The following CNBD1 variants were observed in gnomAD, a reference collection of about 807,000 sequenced individuals.
CNBD1 encodes the protein cyclic nucleotide binding domain containing 1.
In CNBD1, 71 loss-of-function variants were observed where a neutral mutation model predicts 54.4. That is an observed-to-expected ratio of 1.30 (90% CI 1.08 to 1.59). The LOEUF is 1.59. Ranked by LOEUF, CNBD1 falls within the 40% of genes most tolerant of loss-of-function variation. CNBD1 has a pLI of 0.00. For missense variants in CNBD1, 659 were observed against 518.0 expected (o/e 1.27, Z -2.64); for synonymous variants, 182 against 170.7 (o/e 1.07, Z -0.51).
intron 2 of CNBD1, among the ~76,000 whole-genome samples, chr8:87,404,657 G>C (rs113847123): frequency 1.3e-5 from 2 of 152,078 alleles, no homozygotes; most frequent in East Asian, 3.9e-4. Flanking sequence ...AGTACCCACA[G>C]TGTATACATC....
At chr8:87,290,228 GTT>G in intron 8 of CNBD1, among the ~76,000 whole-genome samples, 1 of 151,564 alleles carries the variant, frequency 6.6e-6, no homozygotes, top group East Asian at 1.9e-4. Context: ...TTTATATAAA[GTT>G]ATGTCTCAAA....
intron 2 of CNBD1, among the ~76,000 whole-genome samples, chr8:87,393,571 T>C (rs1443957022): frequency 2.0e-5 from 3 of 151,900 alleles, no homozygotes; most frequent in African/African-American, 7.2e-5. Context: ...CATTATGGTT[T>C]GGACACAATA....
intron 3 of CNBD1, among the ~76,000 whole-genome samples, chr8:86,925,984 G>T (rs1280982632): frequency 1.3e-5 from 2 of 152,118 alleles, no homozygotes; most frequent in Non-Finnish European, 2.9e-5. Flanking sequence ...GCTGCTGCTG[G>T]CTGGGGTGAC....
At chr8:87,171,783 GC>G (rs1160465729) in intron 4 of CNBD1, among the ~76,000 whole-genome samples, 1 of 151,218 alleles carries the variant, frequency 6.6e-6, no homozygotes, top group East Asian at 1.9e-4. Context: ...GATTACAGGT[GC>G]CCACCACCAC....
intron 10 of CNBD1, among the ~76,000 whole-genome samples, chr8:87,379,262 A>T (rs959700456): frequency 6.6e-6 from 1 of 151,884 alleles, no homozygotes; most frequent in African/African-American, 2.4e-5. Flanking sequence ...AGAGACTTAG[A>T]CTCCCACACA....
At chr8:87,386,694 A>C (rs144816597), downstream of CNBD1, among the ~76,000 whole-genome samples, 1,671 of 152,328 alleles carry the variant, frequency 0.011, 32 homozygotes, top group African/African-American at 0.036. Flanking sequence ...CAGGATATTA[A>C]CCAGGAGAAC....
At chr8:87,067,896 T>C (rs980588) in intron 4 of CNBD1, among the ~76,000 whole-genome samples, 17,782 of 151,964 alleles carry the variant, frequency 0.12, 3,396 homozygotes, top group African/African-American at 0.4. Flanking sequence ...TCCTCTACAA[T>C]AGCTGAAACT....
chr8:87,342,124 T>A (rs1810076982), intron 8 of CNBD1, among the ~76,000 whole-genome samples: 1 of 152,012 alleles, frequency 6.6e-6, no homozygotes. Flanking sequence ...ATACAAAAAA[T>A]TAGCCGGGCA....
intron 4 of CNBD1, among the ~76,000 whole-genome samples, chr8:86,942,241 C>A (rs1041467821): frequency 2.0e-5 from 3 of 152,210 alleles, no homozygotes; most frequent in Non-Finnish European, 2.9e-5. Flanking sequence ...ATAGCACATG[C>A]CTTTTCTCTC....
chr8:87,380,094 G>A (rs946985662), intron 10 of CNBD1, among the ~76,000 whole-genome samples: 3 of 151,782 alleles, frequency 2.0e-5, no homozygotes, highest in African/African-American at 7.3e-5. Context: ...AAATATCTGT[G>A]TTTGCTTATT....
At chr8:87,132,800 T>C (rs1360005926) in intron 4 of CNBD1, among the ~76,000 whole-genome samples, 3 of 146,116 alleles carry the variant, frequency 2.1e-5, no homozygotes, top group Non-Finnish European at 4.5e-5. Flanking sequence ...TATATGTGTA[T>C]ATATATACAT....
In CNBD1 at chr8:86,893,868, T is replaced by G. The variant is rs544598361; in HGVS notation, c.158+6257T>G. Among the ~76,000 whole-genome samples, 15 of 152,094 alleles carry G rather than the reference T, an allele frequency of 9.9e-5. 1 individual carries two copies. In the South Asian group the frequency reaches 2.5e-3, roughly 25 times the overall value. ...TTCTGCTGTTCCATTGTATCTCTAT[T>G]GTTTATCACTCATTTTTTAATCTAC... On this transcript the variant is annotated intron_variant, in intron 2 of 10. Transcript: ENST00000518476.
At position 87,367,328 on chromosome 8, in the gene CNBD1, C is replaced by T. The variant is rs114187475; in HGVS notation, c.1303+13542C>T. ...TACTGTGGCTTTTAAATTCTCAGAACGTATATAAAGCTCTCCAGGTGGGCT... is the reference window on the plus strand; with the variant it reads ...TACTGTGGCTTTTAAATTCTCAGAATGTATATAAAGCTCTCCAGGTGGGCT... On this transcript the variant is annotated intron_variant, in intron 10 of 10. Transcript: ENST00000518476. 9.6e-3 allele frequency among the ~76,000 whole-genome samples: 1,463 copies of T among 152,104 alleles called. 20 individuals are homozygous for T. Among genetic ancestry groups the T allele is most frequent in the African/African-American group, 0.032 (1,348 of 41,520 alleles).
At chr8:86,980,088 T>C (rs1314158385) in intron 4 of CNBD1, among the ~76,000 whole-genome samples, 2 of 152,228 alleles carry the variant, frequency 1.3e-5, no homozygotes, top group Non-Finnish European at 2.9e-5. Context: ...CTACTTTCTT[T>C]TGGTCATCTT....
At chr8:87,287,020 C>A (rs760560402) in intron 8 of CNBD1, among the ~76,000 whole-genome samples, 17 of 152,214 alleles carry the variant, frequency 1.1e-4, no homozygotes, top group African/African-American at 1.7e-4. Context: ...AGGAAAAAAA[C>A]CATTTTTTTC....
At chr8:87,306,190 A>G (rs1809139851) in intron 8 of CNBD1, among the ~76,000 whole-genome samples, 1 of 152,226 alleles carries the variant, frequency 6.6e-6, no homozygotes, top group Admixed American at 6.5e-5. Flanking sequence ...ATGCAAATCA[A>G]AACTTCAATG....
At chr8:87,334,413 C>T (rs1231882180) in intron 8 of CNBD1, among the ~76,000 whole-genome samples, 1 of 151,996 alleles carries the variant, frequency 6.6e-6, no homozygotes, top group African/African-American at 2.4e-5. Context: ...TTCCTGTCTC[C>T]TGCTAGCTTT....
At chr8:87,392,875 T>G (rs1811336030) in intron 2 of CNBD1, among the ~76,000 whole-genome samples, 1 of 151,920 alleles carries the variant, frequency 6.6e-6, no homozygotes, top group African/African-American at 2.4e-5. Flanking sequence ...GGGACTAGCT[T>G]GGGAATATTG....
At chr8:86,943,302 G>A (rs111762147) in intron 4 of CNBD1, among the ~76,000 whole-genome samples, 5,614 of 148,162 alleles carry the variant, frequency 0.038, 120 homozygotes, top group Non-Finnish European at 0.045. Context: ...TTGCTTGAAC[G>A]CGGGAGGCGA....
Sources: allele counts gnomAD v4.1 joint callset (sites outside exome capture counted in the v4.1 genomes callset), GRCh38; gene constraint gnomAD v4.1.1; transcripts MANE v1.5; gene names NCBI Gene and HGNC (gene_info 2026-07-23, HGNC 2026-07-21).